ERAP1: variants seen among roughly 807,000 people sequenced by gnomAD.
ERAP1 encodes the protein adipocyte-derived leucine aminopeptidase.
In ERAP1, 86 loss-of-function variants were observed where a neutral mutation model predicts 103.7. The observed-to-expected ratio is 0.83, with a 90% CI of 0.70 to 0.99. The LOEUF (loss-of-function observed/expected upper bound fraction) is 0.99. Among genes scored for constraint, ERAP1 ranks in the 50% least tolerant of loss-of-function variants. ERAP1 has a pLI of 0.00. For synonymous variants in ERAP1, 398 were observed against 402.4 expected (o/e 0.99, Z 0.13); for missense variants, 1,009 against 1,128.4 (o/e 0.89, Z 1.52).
In ERAP1 at chr5:96,786,577, A is replaced by C. The variant is rs30380; in HGVS notation, c.1680-28T>G. 0.64 allele frequency: 915,015 copies of C among 1,440,034 alleles called. 291,838 individuals carry two copies. The highest frequency in any genetic ancestry group is 0.65 in the Non-Finnish European group (666,432 of 1,021,772). 89.2% of individuals were successfully genotyped at this position (1,440,034 alleles called of 1,614,324 possible). ...AAAATAAAGGAGAGGTGGATTGTTC[A>C]TTTGTTGATTCAATTCAACAAGCAG... On this transcript the variant is annotated intron_variant, in intron 11 of 18. Coordinates refer to ENST00000443439, the MANE Select transcript of ERAP1 (RefSeq NM_001040458.3).
In ERAP1 at chr5:96,781,628, C is replaced by G. The variant is rs1775182169; in HGVS notation, c.2447+65G>C. The G allele has an allele frequency of 3.1e-6, 5 of 1,604,546 alleles. No individual in the cohort carries two copies. The Admixed American group carries it at 8.3e-5, about 27-fold the overall frequency. Reference sequence around the variant, plus strand: ...CTGGCCAAGAAAACAAAAATAGATGCCAGAATGATCTAATCTAATCTAATT... The same window carrying G: ...CTGGCCAAGAAAACAAAAATAGATGGCAGAATGATCTAATCTAATCTAATT... On this transcript the variant is annotated intron_variant, in intron 16 of 18. Transcript: ENST00000443439.
the ERAP1 span, among the ~76,000 whole-genome samples, chr5:96,867,480 T>C: frequency 6.6e-6 from 1 of 152,250 alleles, no homozygotes; most frequent in African/African-American, 2.4e-5. Flanking sequence ...GTTGGAGTCT[T>C]AGGTGGAATT....
the ERAP1 span, chr5:96,896,874 T>C: frequency 6.4e-7 from 1 of 1,570,064 alleles, no homozygotes; most frequent in Non-Finnish European, 8.6e-7. Context: ...GTAAGTCATA[T>C]GTTGGGTAAC....
chr5:96,908,755 A>G, the ERAP1 span, among the ~76,000 whole-genome samples: 1 of 152,228 alleles, frequency 6.6e-6, no homozygotes, highest in Admixed American at 6.5e-5. Flanking sequence ...TCCCCATTGT[A>G]TAAAGAAGGC....
At chr5:96,844,236 CT>C in the ERAP1 span, among the ~76,000 whole-genome samples, 1 of 152,158 alleles carries the variant, frequency 6.6e-6, no homozygotes, top group Non-Finnish European at 1.5e-5. Flanking sequence ...ACAATTGGTT[CT>C]CCCCAGTTGC....
chr5:96,839,832 T>G, the ERAP1 span, among the ~76,000 whole-genome samples: 1 of 152,172 alleles, frequency 6.6e-6, no homozygotes, highest in Non-Finnish European at 1.5e-5. Context: ...CCAAAAATAC[T>G]CAGATCTCAG....
At chr5:96,919,531 CAG>C in the ERAP1 span, 28 of 152,240 alleles carry the variant, frequency 1.8e-4, no homozygotes, top group African/African-American at 6.0e-4. Context: ...CATAAATATG[CAG>C]AGTTCTTTCT....
the ERAP1 span, among the ~76,000 whole-genome samples, chr5:96,920,266 C>G: frequency 2.0e-5 from 3 of 150,976 alleles, no homozygotes; most frequent in South Asian, 2.1e-4. Flanking sequence ...GATCATGCCA[C>G]TGCACTCCAG....
chr5:96,932,391 T>C, the ERAP1 span, among the ~76,000 whole-genome samples: 1 of 152,238 alleles, frequency 6.6e-6, no homozygotes, highest in Non-Finnish European at 1.5e-5. Flanking sequence ...AAATTCCCTA[T>C]GGAATATCAA....
the ERAP1 span, chr5:96,896,340 A>C: frequency 1.9e-6 from 3 of 1,566,778 alleles, no homozygotes; most frequent in Non-Finnish European, 2.6e-6. Flanking sequence ...TGTCAAATAG[A>C]AACTAAAACT....
the ERAP1 span, among the ~76,000 whole-genome samples, chr5:96,820,822 C>T: frequency 1.3e-5 from 2 of 152,158 alleles, no homozygotes; most frequent in Non-Finnish European, 2.9e-5. Flanking sequence ...ATAGTAATAA[C>T]TTCTAATTTG....
chr5:96,917,352 C>A, the ERAP1 span: 1 of 914,606 alleles, frequency 1.1e-6, no homozygotes, highest in Admixed American at 2.6e-5. Context: ...AACTCCTGAG[C>A]TCAATTGATC....
chr5:96,925,194 A>G, the ERAP1 span, among the ~76,000 whole-genome samples: 1 of 152,270 alleles, frequency 6.6e-6, no homozygotes, highest in Non-Finnish European at 1.5e-5. Context: ...TAATTCACAT[A>G]CAATAGTAAC....
chr5:96,862,989 G>A, the ERAP1 span, among the ~76,000 whole-genome samples: 62,087 of 152,018 alleles, frequency 0.41, 13,488 homozygotes, highest in African/African-American at 0.56. Context: ...GGGCATAACT[G>A]AAAGTGGCAC....
intron 1 of ERAP1, 30 bp downstream of exon 1, chr5:96,807,830 T>A (rs1389903342): frequency 1.0e-6 from 1 of 985,300 alleles, no homozygotes; most frequent in Non-Finnish European, 1.2e-6. Context: ...CGGCCCGCAG[T>A]CCCCTACCCG....
the ERAP1 span, among the ~76,000 whole-genome samples, chr5:96,916,588 C>T: frequency 3.2e-3 from 481 of 151,074 alleles, 16 homozygotes; most frequent in East Asian, 0.072. Flanking sequence ...CTCAGCCTCC[C>T]GAGTAGCTGG....
At chr5:96,933,372 A>T in the ERAP1 span, among the ~76,000 whole-genome samples, 1 of 151,948 alleles carries the variant, frequency 6.6e-6, no homozygotes, top group African/African-American at 2.4e-5. Flanking sequence ...AGCTGGGATT[A>T]CAGGTGTGTG....
the ERAP1 span, chr5:96,892,530 CAA>C: frequency 6.5e-7 from 1 of 1,530,382 alleles, no homozygotes; most frequent in Non-Finnish European, 8.9e-7. Context: ...CTTCCTGAAA[CAA>C]AATAAATCAT....
Position 96,776,212 on chromosome 5 carries a change from C to CAT in ERAP1, c.*182_*183dup, listed in dbSNP as rs1391575346. ...GGCAACACCTGTGATGAACAAAACA[C>CAT]ATGGTAGCGATAGCCCATTCATGAA... On this transcript the variant is annotated 3_prime_UTR_variant, in exon 19 of 19. Coordinates refer to ENST00000443439, the MANE Select transcript of ERAP1 (RefSeq NM_001040458.3). 2.0e-6 allele frequency: 3 copies of CAT among 1,510,324 alleles called. No homozygotes were observed. The highest frequency in any genetic ancestry group is 4.2e-5 in the Admixed American group (2 of 47,462). The allele number at this position is 1,510,324 out of a possible 1,614,324, so 93.6% of individuals were successfully genotyped here. A position where few individuals can be genotyped will look rare whatever the true frequency, so the allele number is the denominator to read the frequency against.
Sources: allele counts gnomAD v4.1 joint callset (sites outside exome capture counted in the v4.1 genomes callset), GRCh38; gene constraint gnomAD v4.1.1; transcripts MANE v1.5; gene names NCBI Gene and HGNC (gene_info 2026-07-23, HGNC 2026-07-21).